Variants in TENM3 observed in about 807,000 individuals in gnomAD.
TENM3 encodes teneurin transmembrane protein 3, also known as teneurin-3.
TENM3 carries 63 observed loss-of-function variants against 255.1 expected under a neutral mutation model. The observed-to-expected ratio is 0.25, with a 90% CI of 0.20 to 0.30. The LOEUF is 0.30. Ranked by LOEUF, TENM3 falls within the 10% of genes least tolerant of loss-of-function variation. TENM3 has a pLI of 1.00. For missense variants in TENM3, 2,929 were observed against 3,461.1 expected, an observed-to-expected ratio of 0.85 and a Z score of 3.86; for synonymous variants, 1,306 against 1,322.3, an observed-to-expected ratio of 0.99 and a Z score of 0.27.
At chr4:181,575,869 C>G in the TENM3 span, among the ~76,000 whole-genome samples, 1 of 152,320 alleles carries the variant, frequency 6.6e-6, no homozygotes, top group African/African-American at 2.4e-5. Context: ...GACTGCATTT[C>G]CCAGCCTTCC....
At chr4:181,925,745 C>T in the TENM3 span, among the ~76,000 whole-genome samples, 3 of 152,154 alleles carry the variant, frequency 2.0e-5, no homozygotes, top group African/African-American at 7.2e-5. Context: ...AGCAACACAT[C>T]CAGCATCTCC....
the TENM3 span, among the ~76,000 whole-genome samples, chr4:181,790,841 A>G: frequency 6.6e-6 from 1 of 152,112 alleles, no homozygotes; most frequent in South Asian, 2.1e-4. Context: ...CTCAATGGAA[A>G]TTTCTGGTGA....
chr4:182,714,246 GA>G lies in TENM3; in HGVS notation c.2368+14del. On this transcript the variant is annotated intron_variant, in intron 13 of 27. Transcript: ENST00000511685. The stretch of plus-strand genomic sequence containing the variant: ...GACAATGAAGGAGGTAAGAAATACT[GA>G]GCATGAACACGAGTCTGTGCCAGAG... 1 of 1,559,324 alleles carries G rather than the reference GA, an allele frequency of 6.4e-7. No homozygotes were observed. Among genetic ancestry groups the G allele is most frequent in the African/African-American group, 1.4e-5 (1 of 70,416 alleles).
chr4:181,798,028 C>A, the TENM3 span, among the ~76,000 whole-genome samples: 346 of 152,172 alleles, frequency 2.3e-3, 2 homozygotes, highest in African/African-American at 7.9e-3. Context: ...ATTATTTATT[C>A]TCTTTCTTGC....
At chr4:181,673,097 C>A in the TENM3 span, among the ~76,000 whole-genome samples, 3 of 152,162 alleles carry the variant, frequency 2.0e-5, no homozygotes, top group African/African-American at 7.2e-5. Flanking sequence ...ATAGCCCTAG[C>A]CAACACACAG....
the TENM3 span, among the ~76,000 whole-genome samples, chr4:181,909,353 G>C: frequency 6.6e-6 from 1 of 152,142 alleles, no homozygotes; most frequent in Non-Finnish European, 1.5e-5. Flanking sequence ...AATCAGGTGG[G>C]TCTATTCCCC....
At chr4:181,867,868 G>A in the TENM3 span, among the ~76,000 whole-genome samples, 1 of 152,022 alleles carries the variant, frequency 6.6e-6, no homozygotes, top group South Asian at 2.1e-4. Context: ...CTGATGGTAA[G>A]CACAAAGCTA....
intron 1 of TENM3, among the ~76,000 whole-genome samples, chr4:182,218,925 T>C (rs187013840): frequency 4.6e-5 from 7 of 152,306 alleles, no homozygotes; most frequent in African/African-American, 1.7e-4. Context: ...TGGAGTTTCT[T>C]TTTTAAAAAC....
chr4:182,125,724 G>A, the TENM3 span, among the ~76,000 whole-genome samples: 1 of 149,220 alleles, frequency 6.7e-6, no homozygotes, highest in Non-Finnish European at 1.5e-5. Context: ...CAAAAAAGAG[G>A]GTGTAGCTGA....
chr4:182,590,761 A>G (rs1746551678), intron 3 of TENM3, among the ~76,000 whole-genome samples: 1 of 151,614 alleles, frequency 6.6e-6, no homozygotes, highest in African/African-American at 2.4e-5. Flanking sequence ...GGGCAGGAGA[A>G]TCACTTGAAC....
At chr4:182,441,672 A>G (rs1772498677) in intron 3 of TENM3, among the ~76,000 whole-genome samples, 1 of 151,912 alleles carries the variant, frequency 6.6e-6, no homozygotes, top group Admixed American at 6.6e-5. Context: ...TAATTTTTGT[A>G]TTTTTAGTAG....
At chr4:181,753,563 G>A in the TENM3 span, among the ~76,000 whole-genome samples, 1 of 151,674 alleles carries the variant, frequency 6.6e-6, no homozygotes, top group Non-Finnish European at 1.5e-5. Context: ...TCTTGAGTTC[G>A]GTATATAAAA....
intron 4 of TENM3, among the ~76,000 whole-genome samples, chr4:182,602,790 A>G (rs1748030344): frequency 6.6e-6 from 1 of 152,198 alleles, no homozygotes; most frequent in South Asian, 2.1e-4. Context: ...CACACTGAAC[A>G]GCTAATCAAC....
At chr4:182,204,270 C>T (rs1464390658) in intron 1 of TENM3, among the ~76,000 whole-genome samples, 3 of 152,076 alleles carry the variant, frequency 2.0e-5, no homozygotes, top group African/African-American at 4.8e-5. Context: ...CTGACTGAAG[C>T]GGTGTTATCT....
chr4:182,663,309 T>G (rs67576587), intron 6 of TENM3, among the ~76,000 whole-genome samples: 48,223 of 152,054 alleles, frequency 0.32, 8,144 homozygotes, highest in South Asian at 0.46. Flanking sequence ...TTTATTTATT[T>G]TTTGAGATCA....
the TENM3 span, among the ~76,000 whole-genome samples, chr4:181,489,104 T>C: frequency 6.6e-6 from 1 of 152,196 alleles, no homozygotes; most frequent in Admixed American, 6.6e-5. Flanking sequence ...CATTCATTCA[T>C]CTGTAGGCAA....
chr4:181,818,988 G>A, the TENM3 span, among the ~76,000 whole-genome samples: 1 of 152,156 alleles, frequency 6.6e-6, no homozygotes, highest in Non-Finnish European at 1.5e-5. Flanking sequence ...TGAAGACCAT[G>A]ACCATGGTTA....
the TENM3 span, among the ~76,000 whole-genome samples, chr4:181,641,129 T>A: frequency 6.6e-6 from 1 of 152,182 alleles, no homozygotes; most frequent in Admixed American, 6.5e-5. Flanking sequence ...TTATCTTTTT[T>A]TCTATATTGG....
At chr4:182,496,824 G>A (rs189025829) in intron 3 of TENM3, among the ~76,000 whole-genome samples, 2 of 152,306 alleles carry the variant, frequency 1.3e-5, no homozygotes, top group East Asian at 1.9e-4. Context: ...GGGATCACTA[G>A]AAGAGATTTC....
Sources: gnomAD v4.1 joint callset for allele counts (sites outside exome capture counted in the v4.1 genomes callset) on GRCh38, gnomAD v4.1.1 for gene constraint, MANE v1.5 for transcripts, NCBI Gene and HGNC (gene_info 2026-07-23, HGNC 2026-07-21) for gene names.